Variants in RAPGEF2 observed in about 807,000 individuals in gnomAD.
RAPGEF2 encodes Rap guanine nucleotide exchange factor 2, also known as PDZ domain containing guanine nucleotide exchange factor (GEF) 1.
A neutral mutation model predicts 186.7 loss-of-function variants in RAPGEF2; 54 were observed. The observed-to-expected ratio is 0.29, with a 90% CI of 0.23 to 0.36. The LOEUF (loss-of-function observed/expected upper bound fraction) is 0.36. RAPGEF2 is among the 10% of genes least tolerant of loss of function. The pLI is 1.00. For synonymous variants in RAPGEF2, 712 were observed against 705.9 expected (o/e 1.01, Z -0.14); for missense variants, 1,532 against 2,045.0 (o/e 0.75, Z 4.84).
At chr4:159,313,580 GTATT>G (rs1764206995) in intron 8 of RAPGEF2, among the ~76,000 whole-genome samples, 2 of 151,800 alleles carry the variant, frequency 1.3e-5, no homozygotes, top group African/African-American at 2.4e-5. Flanking sequence ...CTTAAAAAAG[GTATT>G]TATTATCTTT....
chr4:159,324,968 A>G (rs1479138471), intron 11 of RAPGEF2, among the ~76,000 whole-genome samples: 1 of 152,196 alleles, frequency 6.6e-6, no homozygotes, highest in East Asian at 1.9e-4. Context: ...ATTAGTCTGC[A>G]GTTTGAAAAA....
At chr4:159,124,889 ATTG>A (rs1740117082) in intron 1 of RAPGEF2, among the ~76,000 whole-genome samples, 1 of 152,206 alleles carries the variant, frequency 6.6e-6, no homozygotes, top group African/African-American at 2.4e-5. Context: ...ACTATTTATT[ATTG>A]TTCATCTGTT....
intron 17 of RAPGEF2, among the ~76,000 whole-genome samples, chr4:159,334,195 G>A (rs375845419): frequency 1.3e-5 from 2 of 152,176 alleles, no homozygotes; most frequent in African/African-American, 4.8e-5. Flanking sequence ...CTTCGTTGAT[G>A]AAAACCTTAT....
chr4:159,228,874 T>A (rs758422182), intron 4 of RAPGEF2, among the ~76,000 whole-genome samples: 4 of 152,248 alleles, frequency 2.6e-5, no homozygotes, highest in Non-Finnish European at 5.9e-5. Flanking sequence ...TTTATACTTA[T>A]ATTAAAATTT....
rs545161627 is a variant in RAPGEF2, at chr4:159,113,690, C to G, written c.69+9459C>G. 1.2e-3 allele frequency among the ~76,000 whole-genome samples: 172 copies of G among 146,310 alleles called. No individual in the cohort carries two copies. In the Middle Eastern group the frequency reaches 0.021, roughly 18 times the overall value. On this transcript the variant is annotated intron_variant, in intron 1 of 29. Transcript: ENST00000691494. ...CCAGGAGGTGGAGGTTGCAGTGAGC[C>G]GAGATTGCACCATTGCCCTCTAGCC...
chr4:159,143,991 C>CT (rs1742633508), intron 1 of RAPGEF2, among the ~76,000 whole-genome samples: 1 of 152,136 alleles, frequency 6.6e-6, no homozygotes. Flanking sequence ...TTTATAATCT[C>CT]TTTTTCTCAT....
chr4:159,358,238 TG>T lies in RAPGEF2; in HGVS notation c.*101del. On this transcript the variant is annotated 3_prime_UTR_variant, in exon 30 of 30. Coordinates refer to ENST00000691494, the MANE Select transcript of RAPGEF2 (RefSeq NM_001394067.2). ...CTTGGAACTCACATTCTGAGGACGG[TG>T]GACCAGTTTGCCTCCTTCCCTGCCT... 7.9e-7 allele frequency: 1 copy of T among 1,273,012 alleles called. No individual in the cohort carries two copies. The highest frequency in any genetic ancestry group is 1.1e-6 in the Non-Finnish European group (1 of 901,660). 78.9% of individuals were successfully genotyped at this position (1,273,012 alleles called of 1,614,324 possible). A position where few individuals can be genotyped will look rare whatever the true frequency, so the allele number is the denominator to read the frequency against.
intron 17 of RAPGEF2, among the ~76,000 whole-genome samples, chr4:159,335,872 C>T (rs1446683474): frequency 6.6e-6 from 1 of 150,630 alleles, no homozygotes; most frequent in African/African-American, 2.4e-5. Flanking sequence ...TTGAGTGTGC[C>T]TGCAAGATGC....
intron 1 of RAPGEF2, among the ~76,000 whole-genome samples, chr4:159,144,702 T>C (rs1742719461): frequency 6.6e-6 from 1 of 152,158 alleles, no homozygotes; most frequent in African/African-American, 2.4e-5. Flanking sequence ...TAATGGATTT[T>C]TTCCAGAAAT....
chr4:159,198,668 A>G (rs901049302), intron 3 of RAPGEF2, among the ~76,000 whole-genome samples: 1 of 150,168 alleles, frequency 6.7e-6, no homozygotes, highest in African/African-American at 2.5e-5. Flanking sequence ...CTGGTCTCAA[A>G]CTCCTGACCT....
chr4:159,314,030 G>A (rs1244511728), intron 8 of RAPGEF2, among the ~76,000 whole-genome samples: 3 of 152,176 alleles, frequency 2.0e-5, no homozygotes, highest in Non-Finnish European at 2.9e-5. Context: ...GCCTTTACGC[G>A]TATGGTCTCC....
At chr4:159,193,702 TA>T (rs1343216974) in intron 3 of RAPGEF2, among the ~76,000 whole-genome samples, 1 of 152,206 alleles carries the variant, frequency 6.6e-6, no homozygotes, top group African/African-American at 2.4e-5. Flanking sequence ...TCGATAATAT[TA>T]ATATTCTTTT....
chr4:159,330,600 T>C, intron 13 of RAPGEF2, 102 bp downstream of exon 13: 1 of 837,474 alleles, frequency 1.2e-6, no homozygotes, highest in Non-Finnish European at 1.8e-6. Context: ...ATTAATGTAA[T>C]GAAATAGGAG....
chr4:159,351,287 T>C (rs572916862), intron 26 of RAPGEF2: 11 of 1,290,288 alleles, frequency 8.5e-6, no homozygotes, highest in Admixed American at 2.8e-5. Context: ...ATCTGAGTGA[T>C]TTATTTTTCT....
intron 1 of RAPGEF2, among the ~76,000 whole-genome samples, chr4:159,166,652 C>T (rs1171439768): frequency 1.3e-5 from 2 of 151,986 alleles, no homozygotes; most frequent in African/African-American, 4.8e-5. Context: ...AGGGTATGGT[C>T]CCTGTATGGG....
At chr4:159,277,097 A>G (rs10857322) in intron 7 of RAPGEF2, among the ~76,000 whole-genome samples, 88,419 of 136,854 alleles carry the variant, frequency 0.65, 28,296 homozygotes, top group African/African-American at 0.79. Context: ...CTACAGGCCC[A>G]GTTGTGTGAT....
intron 3 of RAPGEF2, among the ~76,000 whole-genome samples, chr4:159,206,744 G>A (rs1201985794): frequency 6.6e-6 from 1 of 152,106 alleles, no homozygotes; most frequent in Non-Finnish European, 1.5e-5. Flanking sequence ...ATAAAGTAAG[G>A]GGAATTTTCT....
chr4:159,250,975 GAGTT>G (rs1755277657), intron 7 of RAPGEF2, among the ~76,000 whole-genome samples: 1 of 152,210 alleles, frequency 6.6e-6, no homozygotes, highest in African/African-American at 2.4e-5. Flanking sequence ...GGGCCAGCAC[GAGTT>G]CCCAGTGGGC....
chr4:159,187,560 G>A (rs926695416), intron 2 of RAPGEF2, among the ~76,000 whole-genome samples: 3 of 152,128 alleles, frequency 2.0e-5, no homozygotes, highest in Admixed American at 2.0e-4. Flanking sequence ...ATTGCATTAA[G>A]TAGACTACCT....
Sources: gnomAD v4.1 joint callset for allele counts (sites outside exome capture counted in the v4.1 genomes callset) on GRCh38, gnomAD v4.1.1 for gene constraint, MANE v1.5 for transcripts, NCBI Gene and HGNC (gene_info 2026-07-23, HGNC 2026-07-21) for gene names.